Variants in UVSSA observed in about 807,000 individuals in gnomAD.
UVSSA encodes UV stimulated scaffold protein A, also known as UV-stimulated scaffold protein A.
Under a neutral mutation model 73.9 loss-of-function variants are expected in UVSSA, and 72 were observed. The observed-to-expected ratio is 0.97, with a 90% confidence interval of 0.81 to 1.19. The LOEUF (loss-of-function observed/expected upper bound fraction) is 1.19. UVSSA is among the 50% of genes most tolerant of loss of function. UVSSA has a pLI of 0.00. For missense variants in UVSSA, 1,150 were observed against 965.0 expected (o/e 1.19, Z -2.54); for synonymous variants, 454 against 391.3 (o/e 1.16, Z -1.89).
At chr4:1,346,683 C>CA (rs1454039563), upstream of UVSSA, among the ~76,000 whole-genome samples, 1 of 151,852 alleles carries the variant, frequency 6.6e-6, no homozygotes, top group African/African-American at 2.4e-5. Context: ...GGCGGGGGCC[C>CA]GCGCCCGCCC....
chr4:1,394,386 G>A lies in UVSSA; in HGVS notation c.*8425G>A, dbSNP rs1560500570. ...GAAATGTTTTCCATGTTTTCTTCTA[G>A]TACTTTTATGGGTTTCATTTTCATA... On this transcript the variant is annotated 3_prime_UTR_variant, in exon 14 of 14. Transcript: ENST00000511216. The A allele has an allele frequency of 4.1e-6, 6 of 1,454,006 alleles. No homozygotes were observed. The Admixed American group carries it at 1.3e-4, about 32-fold the overall frequency. 90.1% of individuals were successfully genotyped at this position (1,454,006 alleles called of 1,614,324 possible). A position where few individuals can be genotyped will look rare whatever the true frequency, so the allele number is the denominator to read the frequency against.
At chr4:1,343,915 G>A (rs1713517590), upstream of UVSSA, among the ~76,000 whole-genome samples, 1 of 152,174 alleles carries the variant, frequency 6.6e-6, no homozygotes, top group African/African-American at 2.4e-5. Context: ...CATAATTCAT[G>A]CAGCTTTTGT....
At chr4:1,388,902 T>C (rs531027476), downstream of UVSSA, 24 of 152,352 alleles carry the variant, frequency 1.6e-4, no homozygotes, top group African/African-American at 5.8e-4. Flanking sequence ...TGTAGTCTTT[T>C]TGTGATGTCT....
rs1484220914 is a variant in UVSSA at position 1,386,074 on chromosome 4, T to C, written c.*113T>C. ...ACCATGCTTTGTCTATTACTGTGTTTGATGTAAAGAAATGGTGTGTTGCAA... is the reference window on the plus strand; with the variant it reads ...ACCATGCTTTGTCTATTACTGTGTTCGATGTAAAGAAATGGTGTGTTGCAA... On this transcript the variant is annotated 3_prime_UTR_variant, in exon 14 of 14. Transcript: ENST00000389851. 8.9e-7 allele frequency: 1 copy of C among 1,121,014 alleles called. No individual in the cohort carries two copies. Among genetic ancestry groups the C allele is most frequent in the Non-Finnish European group, 1.3e-6 (1 of 754,274 alleles). 69.4% of individuals were successfully genotyped at this position (1,121,014 alleles called of 1,614,324 possible).
chr4:1,344,229 G>T (rs188791708), upstream of UVSSA, among the ~76,000 whole-genome samples: 3 of 152,178 alleles, frequency 2.0e-5, no homozygotes, highest in Admixed American at 1.3e-4. Flanking sequence ...GTTTCCATTG[G>T]TTCTTTTAAA....
At position 1,383,804 on chromosome 4, in the gene UVSSA, G is replaced by A. The variant is rs763938209; in HGVS notation, c.1900G>A (p.Ala634Thr). Residue 634 changes from alanine to threonine, a missense_variant, in exon 13 of 14, where the codon GCC becomes ACC. Transcript: ENST00000389851. The stretch of plus-strand genomic sequence containing the variant: ...TGAGTTGATGAGAGACGTGGAAGCA[G>A]CCACAGGGCAGGATCTCGGCTCATC... ...DPELMRDVEA[A>T]TGQDLGSSRY... The A allele has an allele frequency of 1.2e-5, 19 of 1,613,684 alleles. No individual in the cohort carries two copies. In the South Asian group the frequency reaches 1.9e-4, roughly 16 times the overall value.
upstream of UVSSA, among the ~76,000 whole-genome samples, chr4:1,345,365 CCAGGCACGGTGGCT>C (rs1207681756): frequency 7.3e-5 from 11 of 150,440 alleles, no homozygotes; most frequent in East Asian, 5.8e-4. Flanking sequence ...GCACGGTGGC[CCAGGCACGGTGGCT>C]CACGCCTGTA....
rs74644293 is a variant in UVSSA at position 1,374,645 on chromosome 4, G to T, written c.1289-719G>T. On this transcript the variant is annotated intron_variant, in intron 8 of 13. Transcript: ENST00000389851. ...GCGGACCCTCTTCGACGGGCACTCC[G>T]GGACGGCATCTTGGTCCTTGGAATT... Among the ~76,000 whole-genome samples, 714 of 152,308 alleles carry T rather than the reference G, an allele frequency of 4.7e-3. 6 individuals carry two copies. Among genetic ancestry groups the T allele is most frequent in the East Asian group, 0.028 (146 of 5,170 alleles).
At chr4:1,370,049 G>A (rs77569311) in intron 8 of UVSSA, among the ~76,000 whole-genome samples, 6,359 of 152,328 alleles carry the variant, frequency 0.042, 265 homozygotes, top group East Asian at 0.2. Flanking sequence ...CACGCGATGC[G>A]CAAGTGGGAG....
rs773289105 is a variant in UVSSA at position 1,354,849 on chromosome 4, T to C, written c.1047+2T>C. 2.5e-6 allele frequency: 4 copies of C among 1,588,884 alleles called. No homozygotes were observed. In the African/African-American group the frequency reaches 5.5e-5, roughly 22 times the overall value. On this transcript the variant is annotated splice_donor_variant, in intron 6 of 13. Transcript: ENST00000389851. LOFTEE classifies it high-confidence loss of function. ...CCGGCTGTGTGCTCGTGGATCCAGG[T>C]GAGCCTCGAACCTGGGACCTGTGGG...
chr4:1,348,109 G>T lies in UVSSA; in HGVS notation c.18G>T (p.Ser6=). 1 of 1,613,622 alleles carries T rather than the reference G, an allele frequency of 6.2e-7. No homozygotes were observed. The highest frequency in any genetic ancestry group is 1.1e-5 in the South Asian group (1 of 91,070). ...TTCTAGATATGGATCAGAAACTTTC[G>T]AAGTTGGTAGAAGAGCTCACAACTT... The part of the protein sequence containing the change: MDQKL[S]KLVEELTTSG... The change falls in exon 2 of 14, where the codon TCG becomes TCT. Residue 6 remains serine, a synonymous_variant. Coordinates refer to ENST00000389851, the MANE Select transcript of UVSSA (RefSeq NM_020894.4).
At chr4:1,392,797 A>T (rs1720436671), downstream of UVSSA, 1 of 152,114 alleles carries the variant, frequency 6.6e-6, no homozygotes, top group Admixed American at 6.6e-5. Context: ...CTCTTCACTT[A>T]TTGATCTTCT....
At chr4:1,354,471 G>T (rs562375087) in intron 5 of UVSSA, 11 of 505,080 alleles carry the variant, frequency 2.2e-5, no homozygotes, top group Middle Eastern at 5.5e-4. Context: ...CTCCAGATGG[G>T]ATGGCTGCAG....
rs943779631 is a variant in UVSSA at position 1,366,371 on chromosome 4, G to C, written c.1228G>C (p.Glu410Gln). ...EEDEDDEDFV[E>Q]VPEKEGYEPH... ...AGATGAGGACGATGAGGACTTTGTG[G>C]AGGTCCCTGAGAAGGAGGGGTATGA... Residue 410 changes from glutamate (E) to glutamine (Q), a missense_variant, in exon 8 of 14, where the codon GAG becomes CAG. By Grantham distance (29) the Glu-to-Gln change is conservative. Coordinates refer to ENST00000389851, the MANE Select transcript of UVSSA (RefSeq NM_020894.4). 3.7e-6 allele frequency: 6 copies of C among 1,613,482 alleles called. No individual in the cohort carries two copies. In the South Asian group the frequency reaches 4.4e-5, roughly 12 times the overall value.
At chr4:1,374,374 C>T (rs1007585978) in intron 8 of UVSSA, among the ~76,000 whole-genome samples, 6 of 152,238 alleles carry the variant, frequency 3.9e-5, no homozygotes, top group Non-Finnish European at 8.8e-5. Context: ...CCGCCCTGAC[C>T]GAGAGGCGCC....
chr4:1,385,586 G>A (rs1273010114), intron 13 of UVSSA: 8 of 477,174 alleles, frequency 1.7e-5, no homozygotes, highest in Non-Finnish European at 3.1e-5. Flanking sequence ...CACGGGAGAA[G>A]TGCCAAGGTG....
intron 7 of UVSSA, among the ~76,000 whole-genome samples, chr4:1,355,870 G>T (rs925310051): frequency 2.0e-5 from 3 of 152,110 alleles, no homozygotes; most frequent in African/African-American, 7.2e-5. Context: ...TGGGTGTGTC[G>T]GAGCCGTTCG....
intron 4 of UVSSA, among the ~76,000 whole-genome samples, 183 bp downstream of exon 4, chr4:1,352,018 C>T (rs944912756): frequency 6.6e-6 from 1 of 152,238 alleles, no homozygotes; most frequent in African/African-American, 2.4e-5. Context: ...GCTGTCCATG[C>T]CTCTCCCGCG....
intron 5 of UVSSA, among the ~76,000 whole-genome samples, chr4:1,353,984 C>CT (rs1271424816): frequency 6.6e-6 from 1 of 152,202 alleles, no homozygotes; most frequent in Non-Finnish European, 1.5e-5. Flanking sequence ...CCCCTGCTGC[C>CT]CCCCTGGGGT....
Sources: allele counts gnomAD v4.1 joint callset (sites outside exome capture counted in the v4.1 genomes callset), GRCh38; gene constraint gnomAD v4.1.1; transcripts MANE v1.5; gene names NCBI Gene and HGNC (gene_info 2026-07-23, HGNC 2026-07-21).